Variants in COL18A1 observed in about 807,000 individuals in gnomAD.
The protein encoded by COL18A1 is collagen alpha-1(XVIII) chain.
COL18A1 carries 133 observed loss-of-function variants against 168.0 expected under a neutral mutation model. The ratio of observed to expected loss-of-function variants is 0.79; its 90% CI spans 0.69 to 0.91. The LOEUF (loss-of-function observed/expected upper bound fraction) is 0.91, where lower values mean the gene tolerates loss of function less well. Among genes scored for constraint, COL18A1 ranks in the 40% least tolerant of loss-of-function variants. The pLI, the probability that COL18A1 is intolerant of heterozygous loss-of-function variation, is 0.00. For missense variants in COL18A1, 2,126 were observed against 1,925.4 expected (o/e 1.10, Z -1.95); for synonymous variants, 949 against 809.0 (o/e 1.17, Z -2.94).
chr21:45,416,606 C>T (rs1412700784), intron 2 of COL18A1, among the ~76,000 whole-genome samples: 2 of 152,166 alleles, frequency 1.3e-5, no homozygotes, highest in Admixed American at 1.3e-4. Flanking sequence ...CTCTCCTGGA[C>T]CGCGGTCCGT....
At chr21:45,428,007 T>A (rs2033855602) in intron 2 of COL18A1, among the ~76,000 whole-genome samples, 1 of 152,120 alleles carries the variant, frequency 6.6e-6, no homozygotes. Context: ...GCCTCCTGGG[T>A]CACAGCCAAC....
At position 45,475,499 on chromosome 21, in the gene COL18A1, G is replaced by A. The variant is rs754117053; in HGVS notation, c.762G>A (p.Gly254=). 6.2e-7 allele frequency: 1 copy of A among 1,606,464 alleles called. No individual in the cohort carries two copies. The highest frequency in any genetic ancestry group is 1.3e-5 in the African/African-American group (1 of 74,964). Residue 254 remains glycine, a synonymous_variant, in exon 5 of 42, where the codon GGG becomes GGA. Coordinates refer to ENST00000651438, the MANE Select transcript of COL18A1 (RefSeq NM_001379500.1). ...AGGCATCCGGAGACTCTGGCAGCGG[G>A]CTCGGGGACGCCCGGGAGCTTCTCA... ...SDGASGDSGS[G]LGDARELLRE...
intron 22 of COL18A1, 71 bp downstream of exon 22, chr21:45,491,385 GC>G (rs148502711): frequency 6.8e-5 from 49 of 717,028 alleles, no homozygotes; most frequent in South Asian, 7.5e-5. Flanking sequence ...CCCTCCCCGA[GC>G]CCCCCCCACA....
At chr21:45,508,198 G>A (rs537306578) in intron 38 of COL18A1, among the ~76,000 whole-genome samples, 24 of 150,216 alleles carry the variant, frequency 1.6e-4, no homozygotes, top group Middle Eastern at 3.5e-3. Context: ...TGGTGGACAG[G>A]TGGGTGAGTG....
rs376464507 is a variant in COL18A1 at position 45,416,839 on chromosome 21, CCTCGTTCTGCATATG to C, written c.106+11381_106+11395del. On this transcript the variant is annotated intron_variant, in intron 2 of 41. Coordinates refer to ENST00000651438, the MANE Select transcript of COL18A1 (RefSeq NM_001379500.1). Reference sequence around the variant, plus strand: ...CCTGCCCCTGACAACTCTTCCCTTCCCTCGTTCTGCATATGCTCGTTCTGCATATCCTCGTTCTGC... The same window carrying C: ...CCTGCCCCTGACAACTCTTCCCTTCCCTCGTTCTGCATATCCTCGTTCTGC... 5.9e-5 allele frequency among the ~76,000 whole-genome samples: 9 copies of C among 152,222 alleles called. No homozygotes were observed. In the East Asian group the frequency reaches 7.7e-4, roughly 13 times the overall value.
intron 2 of COL18A1, among the ~76,000 whole-genome samples, chr21:45,421,983 T>C (rs1455011816): frequency 2.6e-5 from 4 of 151,966 alleles, no homozygotes; most frequent in African/African-American, 7.3e-5. Flanking sequence ...GCCAACACAC[T>C]CACACAGACA....
rs2145934047 is a variant in COL18A1 at position 45,479,926 on chromosome 21, C to A, written c.1273C>A (p.Pro425Thr). 1.2e-6 allele frequency: 2 copies of A among 1,613,834 alleles called. No homozygotes were observed. The highest frequency in any genetic ancestry group is 1.1e-5 in the South Asian group (1 of 91,082). ...GGGCGACACCGGGCCACAAGGCTTC[C>A]CCGGGACTCCAGGGGACGTAGGTCC... ...KPGDTGPQGF[P>T]GTPGDVGPKG... The change falls in exon 10 of 42, where the codon CCC becomes ACC. Residue 425 changes from proline (P) to threonine (T), a missense_variant. Pro to Thr is a conservative substitution (Grantham distance 38). Coordinates refer to ENST00000651438, the MANE Select transcript of COL18A1 (RefSeq NM_001379500.1).
chr21:45,494,796 G>T, intron 27 of COL18A1, 66 bp from the exon 28 acceptor site: 1 of 1,460,716 alleles, frequency 6.8e-7, no homozygotes, highest in South Asian at 1.2e-5. Context: ...CCTTCCCCAG[G>T]ACCCCCCAAC....
rs1250409877 is a variant in COL18A1, at chr21:45,475,460, T to C, written c.739-16T>C. The C allele has an allele frequency of 5.0e-6, 8 of 1,590,230 alleles. No homozygotes were observed. In the Admixed American group the frequency reaches 1.4e-4, roughly 28 times the overall value. On this transcript the variant is annotated splice_polypyrimidine_tract_variant and intron_variant, in intron 4 of 41. Coordinates refer to ENST00000651438, the MANE Select transcript of COL18A1 (RefSeq NM_001379500.1). The stretch of plus-strand genomic sequence containing the variant: ...GGCTGCCATCTCTCCAGCCTTTCCC[T>C]TTTCAAACTCCTCAGGCATCCGGAG...
intron 30 of COL18A1, 104 bp downstream of exon 30, chr21:45,496,672 G>C (rs2036554896): frequency 2.6e-6 from 2 of 765,894 alleles, no homozygotes; most frequent in East Asian, 4.9e-5. Context: ...GCGTCTGGGG[G>C]TCCTTCTAGG....
intron 29 of COL18A1, chr21:45,496,133 G>T: frequency 2.7e-6 from 1 of 364,578 alleles, no homozygotes. Context: ...TCCATGCTGG[G>T]GGTTCTCCCG....
At chr21:45,501,990 C>CGGA (rs2036884852) in intron 32 of COL18A1, among the ~76,000 whole-genome samples, 6 of 79,122 alleles carry the variant, frequency 7.6e-5, no homozygotes, top group East Asian at 6.5e-4. Context: ...CAGAAGGACC[C>CGGA]TCAGGGGCTC....
intron 7 of COL18A1, 25 bp from the exon 8 acceptor site, chr21:45,477,725 A>T: frequency 6.6e-7 from 1 of 1,517,562 alleles, no homozygotes; most frequent in Non-Finnish European, 8.8e-7. Flanking sequence ...CCCCAGCCCG[A>T]GCCCTGTGTT....
chr21:45,405,319 CCGGG>C (rs1569270279), intron 1 of COL18A1, 56 bp from the exon 2 acceptor site: 1 of 767,244 alleles, frequency 1.3e-6, no homozygotes, highest in Non-Finnish European at 1.6e-6. Flanking sequence ...CGGGGCTCGG[CCGGG>C]TCCTGCGGGG....
At chr21:45,455,148 T>C (rs1283365466) in intron 2 of COL18A1, among the ~76,000 whole-genome samples, 2 of 152,228 alleles carry the variant, frequency 1.3e-5, no homozygotes, top group Non-Finnish European at 2.9e-5. Context: ...TGGGGGCCGC[T>C]GCCTCAGTGC....
chr21:45,456,392 G>A lies in COL18A1; in HGVS notation c.107-11850G>A, dbSNP rs11702494. On this transcript the variant is annotated intron_variant, in intron 2 of 41. Coordinates refer to ENST00000651438, the MANE Select transcript of COL18A1 (RefSeq NM_001379500.1). ...CGCCTTCTCCTCTGGGCTCCCGGGCGCACTGTCTCAGGTCGCAGTCACCAC... is the reference window on the plus strand; with the variant it reads ...CGCCTTCTCCTCTGGGCTCCCGGGCACACTGTCTCAGGTCGCAGTCACCAC... 0.23 allele frequency: 363,305 copies of A among 1,547,534 alleles called. 43,419 individuals carry two copies. The highest frequency in any genetic ancestry group is 0.27 in the Middle Eastern group (1,591 of 5,978).
chr21:45,496,674 C>G, intron 30 of COL18A1, 106 bp downstream of exon 30: 1 of 763,822 alleles, frequency 1.3e-6, no homozygotes, highest in Non-Finnish European at 2.4e-6. Context: ...GTCTGGGGGT[C>G]CTTCTAGGAT....
At chr21:45,492,802 G>C in intron 24 of COL18A1, 89 bp downstream of exon 24, 1 of 1,055,602 alleles carries the variant, frequency 9.5e-7, no homozygotes, top group Non-Finnish European at 1.5e-6. Context: ...GAGCTGGGGT[G>C]GGCCTTGTCA....
At chr21:45,405,914 G>A (rs1334180514) in intron 2 of COL18A1, among the ~76,000 whole-genome samples, 1 of 151,884 alleles carries the variant, frequency 6.6e-6, no homozygotes, top group East Asian at 1.9e-4. Context: ...ACCTGTTGAG[G>A]CTCCTCGCCG....
Sources: allele counts gnomAD v4.1 joint callset (sites outside exome capture counted in the v4.1 genomes callset), GRCh38; gene constraint gnomAD v4.1.1; transcripts MANE v1.5; gene names NCBI Gene and HGNC (gene_info 2026-07-23, HGNC 2026-07-21).